Variants in ASNS observed in about 807,000 individuals in gnomAD.
ASNS encodes the protein asparagine synthetase (glutamine-hydrolyzing), also known as asparagine synthetase [glutamine-hydrolyzing].
A neutral mutation model predicts 62.6 loss-of-function variants in ASNS; 37 were observed. The observed-to-expected ratio is 0.59, with a 90% CI of 0.45 to 0.78. The LOEUF (loss-of-function observed/expected upper bound fraction) is 0.78. Among genes scored for constraint, ASNS ranks in the 30% least tolerant of loss-of-function variants. The probability of loss-of-function intolerance (pLI) is 0.00; values close to 1 mark genes in which losing one functional copy is unlikely to be tolerated. For synonymous variants in ASNS, 207 were observed against 237.9 expected (o/e 0.87, Z 1.19); for missense variants, 520 against 682.4 (o/e 0.76, Z 2.65).
the ASNS span, among the ~76,000 whole-genome samples, chr7:97,893,011 C>A: frequency 6.6e-6 from 1 of 152,238 alleles, no homozygotes; most frequent in East Asian, 1.9e-4. Context: ...AAGACACATT[C>A]AAGACTGGGA....
chr7:97,906,259 C>A, the ASNS span, among the ~76,000 whole-genome samples: 3 of 152,084 alleles, frequency 2.0e-5, no homozygotes, highest in African/African-American at 7.2e-5. Flanking sequence ...ACCACCACCA[C>A]CACCACCACC....
intron 3 of ASNS, among the ~76,000 whole-genome samples, chr7:97,867,330 T>G (rs991957685): frequency 1.5e-5 from 2 of 130,798 alleles, no homozygotes; most frequent in Admixed American, 7.4e-5. Context: ...TCTGAATACT[T>G]TATATAAGCC....
chr7:97,893,286 C>T, the ASNS span, among the ~76,000 whole-genome samples: 1 of 152,242 alleles, frequency 6.6e-6, no homozygotes, highest in Non-Finnish European at 1.5e-5. Flanking sequence ...CATGGGAATT[C>T]AAGATGAGAT....
At chr7:97,888,914 G>A in the ASNS span, among the ~76,000 whole-genome samples, 4 of 152,282 alleles carry the variant, frequency 2.6e-5, no homozygotes, top group Non-Finnish European at 5.9e-5. Context: ...CTGAGGAAAT[G>A]CCTGCCTACC....
At chr7:97,874,430 C>T (rs1451256657), upstream of ASNS, among the ~76,000 whole-genome samples, 3 of 152,098 alleles carry the variant, frequency 2.0e-5, no homozygotes, top group South Asian at 4.1e-4. Flanking sequence ...ACATCCTTCT[C>T]GGCTGACAGG....
the ASNS span, among the ~76,000 whole-genome samples, chr7:97,895,870 A>T: frequency 6.6e-6 from 1 of 152,178 alleles, no homozygotes; most frequent in South Asian, 2.1e-4. Flanking sequence ...ACATACAAAA[A>T]TCAGTAATGT....
chr7:97,852,607 A>C, intron 12 of ASNS, 139 bp from the exon 13 acceptor site: 1 of 834,666 alleles, frequency 1.2e-6, no homozygotes, highest in Non-Finnish European at 1.9e-6. Context: ...ATCACTTAGA[A>C]AATGCTAAAG....
rs1469161418 is a variant in ASNS, at chr7:97,856,836, C to G, written c.904-20G>C. On this transcript the variant is annotated intron_variant, in intron 7 of 12. Transcript: ENST00000394308. ...TGCCACCTTATTATATAAAGAAATA[C>G]CCATTTACTTGTTAAAGAAAATAAC... The G allele has an allele frequency of 1.3e-6, 2 of 1,572,232 alleles. No homozygotes were observed. Among genetic ancestry groups the G allele is most frequent in the African/African-American group, 1.4e-5 (1 of 72,958 alleles).
the ASNS span, among the ~76,000 whole-genome samples, chr7:97,883,902 G>A: frequency 6.6e-6 from 1 of 150,920 alleles, no homozygotes; most frequent in African/African-American, 2.4e-5. Context: ...GCAGGAGAAT[G>A]GCGTGAACGC....
chr7:97,860,268 T>C (rs950091090), intron 4 of ASNS, among the ~76,000 whole-genome samples: 3 of 152,224 alleles, frequency 2.0e-5, no homozygotes, highest in Non-Finnish European at 2.9e-5. Context: ...CAGGTTATTC[T>C]AAAAGCACTG....
At chr7:97,903,360 C>A in the ASNS span, among the ~76,000 whole-genome samples, 9 of 151,606 alleles carry the variant, frequency 5.9e-5, no homozygotes, top group African/African-American at 1.9e-4. Flanking sequence ...GGCTCAAGAA[C>A]CGGAGATCCC....
At chr7:97,925,267 T>C in the ASNS span, among the ~76,000 whole-genome samples, 1 of 152,184 alleles carries the variant, frequency 6.6e-6, no homozygotes, top group Non-Finnish European at 1.5e-5. Flanking sequence ...ATGAGAAAAC[T>C]GAGGTCCCTG....
the ASNS span, among the ~76,000 whole-genome samples, chr7:97,900,380 A>C: frequency 7.0e-6 from 1 of 143,830 alleles, no homozygotes; most frequent in Non-Finnish European, 1.6e-5. Flanking sequence ...AAAAAAAAAA[A>C]AAAACAGAAA....
chr7:97,881,198 T>C, the ASNS span, among the ~76,000 whole-genome samples: 3 of 152,216 alleles, frequency 2.0e-5, no homozygotes, highest in African/African-American at 7.2e-5. Context: ...CACCTTGGCC[T>C]CACACAGTGC....
rs140256756 is a variant in ASNS, at chr7:97,861,080, T to G, written c.488-1682A>C. Among the ~76,000 whole-genome samples, 832 of 145,304 alleles carry G rather than the reference T, an allele frequency of 5.7e-3. 8 individuals are homozygous for G. Among genetic ancestry groups the G allele is most frequent in the African/African-American group, 0.02 (782 of 38,306 alleles). On this transcript the variant is annotated intron_variant, in intron 4 of 12. Transcript: ENST00000394308. ...TCTGTCACTCAGGCTGGAGTGCAGT[T>G]GCGCGATCTCGGCTTACCGCAAGCT...
chr7:97,880,171 C>T, the ASNS span, among the ~76,000 whole-genome samples: 3 of 150,458 alleles, frequency 2.0e-5, no homozygotes, highest in Non-Finnish European at 4.4e-5. Context: ...GTCACCCAGG[C>T]TGGAGTGTAG....
chr7:97,903,026 C>T, the ASNS span, among the ~76,000 whole-genome samples: 3 of 152,052 alleles, frequency 2.0e-5, no homozygotes, highest in East Asian at 3.9e-4. Context: ...CCAGGGATGA[C>T]GCTCAACATC....
chr7:97,885,664 T>C, the ASNS span, among the ~76,000 whole-genome samples: 1 of 152,254 alleles, frequency 6.6e-6, no homozygotes. Context: ...ATATTTACTT[T>C]TGCATTTTGT....
At chr7:97,887,493 T>C in the ASNS span, among the ~76,000 whole-genome samples, 2 of 150,752 alleles carry the variant, frequency 1.3e-5, no homozygotes, top group African/African-American at 4.9e-5. Flanking sequence ...ATGTTGAGTT[T>C]TGAATTGTGT....
Sources: allele counts gnomAD v4.1 joint callset (sites outside exome capture counted in the v4.1 genomes callset), GRCh38; gene constraint gnomAD v4.1.1; transcripts MANE v1.5; gene names NCBI Gene and HGNC (gene_info 2026-07-23, HGNC 2026-07-21).